Variants in DR1 observed in about 807,000 individuals in gnomAD.
The protein encoded by DR1 is down-regulator of transcription 1.
Under a neutral mutation model 19.9 loss-of-function variants are expected in DR1, and 7 were observed. The ratio of observed to expected loss-of-function variants is 0.35; its 90% CI spans 0.20 to 0.66. The LOEUF (loss-of-function observed/expected upper bound fraction) is 0.66, where lower values mean the gene tolerates loss of function less well. DR1 is among the 30% of genes least tolerant of loss of function. The pLI, the probability that DR1 is intolerant of heterozygous loss-of-function variation, is 0.66. For missense variants in DR1, 98 were observed against 203.7 expected (o/e 0.48, Z 3.16); for synonymous variants, 76 against 72.5 (o/e 1.05, Z -0.24).
chr1:93,358,849 T>C (rs950520878), intron 2 of DR1, among the ~76,000 whole-genome samples: 7 of 152,208 alleles, frequency 4.6e-5, no homozygotes, highest in Non-Finnish European at 2.9e-5. Context: ...TATCTCTTGA[T>C]TATACACTGA....
chr1:93,350,177 T>C (rs1021149894), intron 1 of DR1, among the ~76,000 whole-genome samples: 1 of 152,160 alleles, frequency 6.6e-6, no homozygotes, highest in Non-Finnish European at 1.5e-5. Flanking sequence ...CAATTACTTA[T>C]TGAATACTAC....
At chr1:93,346,886 G>A in intron 1 of DR1, 21 bp downstream of exon 1, 2 of 1,587,392 alleles carry the variant, frequency 1.3e-6, no homozygotes, top group Non-Finnish European at 1.7e-6. Context: ...TGTGAGAGCT[G>A]GTTTGAATGA....
rs1303201473 is a variant in DR1 at position 93,363,562 on chromosome 1, C to A, written c.*2923C>A. 6.6e-6 allele frequency: 1 copy of A among 152,174 alleles called. No homozygotes were observed. 9.4% of individuals were successfully genotyped at this position (152,174 alleles called of 1,614,324 possible). The stretch of plus-strand genomic sequence containing the variant: ...CTTGTGACCCCTTCCTCTCTATGAT[C>A]AAAGCTTGCTTTTGTCATTATATCA... On this transcript the variant is annotated 3_prime_UTR_variant, in exon 3 of 3. Coordinates refer to ENST00000370272, the MANE Select transcript of DR1 (RefSeq NM_001938.3).
At chr1:93,353,116 A>G (rs761819766) in intron 1 of DR1, among the ~76,000 whole-genome samples, 7 of 151,878 alleles carry the variant, frequency 4.6e-5, no homozygotes, top group Admixed American at 2.0e-4. Flanking sequence ...GGTGGTCTTG[A>G]ACTCCTGGAC....
At chr1:93,357,334 T>G (rs1038774861) in intron 2 of DR1, among the ~76,000 whole-genome samples, 1 of 152,098 alleles carries the variant, frequency 6.6e-6, no homozygotes, top group Non-Finnish European at 1.5e-5. Flanking sequence ...CCCTTTCATC[T>G]TTTGCTATAA....
At chr1:93,351,188 C>T (rs889973158) in intron 1 of DR1, among the ~76,000 whole-genome samples, 2 of 152,132 alleles carry the variant, frequency 1.3e-5, no homozygotes, top group Admixed American at 6.5e-5. Flanking sequence ...TCTGTTAGCC[C>T]AATGTGTTTA....
rs888617728 is a variant in DR1, at chr1:93,368,511, G to A, written c.*7872G>A. ...TGTCCTTGTTGTTAAGGCATCTAAG[G>A]ATGCTCCAATTACTGGGGAAAACAT... On this transcript the variant is annotated 3_prime_UTR_variant, in exon 3 of 3. Coordinates refer to ENST00000370272, the MANE Select transcript of DR1 (RefSeq NM_001938.3). The A allele has an allele frequency of 1.2e-4, 19 of 152,162 alleles. No individual in the cohort carries two copies. The highest frequency in any genetic ancestry group is 4.1e-4 in the African/African-American group (17 of 41,438). 9.4% of individuals were successfully genotyped at this position (152,162 alleles called of 1,614,324 possible).
At chr1:93,359,377 T>C (rs1013884841) in intron 2 of DR1, among the ~76,000 whole-genome samples, 1 of 151,976 alleles carries the variant, frequency 6.6e-6, no homozygotes, top group Non-Finnish European at 1.5e-5. Flanking sequence ...TTCTCAAGTG[T>C]GGTGGAAAAA....
At chr1:93,350,765 C>A (rs938136358) in intron 1 of DR1, among the ~76,000 whole-genome samples, 1 of 151,886 alleles carries the variant, frequency 6.6e-6, no homozygotes, top group Non-Finnish European at 1.5e-5. Flanking sequence ...TTGAGATACA[C>A]GGCATAGGGT....
intron 2 of DR1, among the ~76,000 whole-genome samples, chr1:93,360,251 A>G (rs1570713511): frequency 6.6e-6 from 1 of 152,242 alleles, no homozygotes; most frequent in African/African-American, 2.4e-5. Context: ...AAACAGGGCC[A>G]TTTATAAGAG....
In DR1 at chr1:93,366,533, A is replaced by G. The variant is rs1667132581; in HGVS notation, c.*5894A>G. 6.6e-6 allele frequency: 1 copy of G among 152,238 alleles called. No individual in the cohort carries two copies. Among genetic ancestry groups the G allele is most frequent in the African/African-American group, 2.4e-5 (1 of 41,462 alleles). 9.4% of individuals were successfully genotyped at this position (152,238 alleles called of 1,614,324 possible). A position where few individuals can be genotyped will look rare whatever the true frequency, so the allele number is the denominator to read the frequency against. On this transcript the variant is annotated 3_prime_UTR_variant, in exon 3 of 3. Coordinates refer to ENST00000370272, the MANE Select transcript of DR1 (RefSeq NM_001938.3). ...GGAAACTGCGAGTTTAAGAAAAACA[A>G]CATATAATGAAATCAATTTTACCAT...
In DR1 at chr1:93,360,770, G is replaced by C. The variant is rs751569121; in HGVS notation, c.*131G>C. The stretch of plus-strand genomic sequence containing the variant: ...TGTCATTGGTATTCTAGGGATGTCT[G>C]CTATTAAGTTTCATCTATTGTGTGC... On this transcript the variant is annotated 3_prime_UTR_variant, in exon 3 of 3. Coordinates refer to ENST00000370272, the MANE Select transcript of DR1 (RefSeq NM_001938.3). 11 of 1,007,484 alleles carry C rather than the reference G, an allele frequency of 1.1e-5. No homozygotes were observed. The highest frequency in any genetic ancestry group is 1.4e-5 in the Non-Finnish European group (10 of 706,276). The allele number at this position is 1,007,484 out of a possible 1,614,324, so 62.4% of individuals were successfully genotyped here.
intron 1 of DR1, among the ~76,000 whole-genome samples, chr1:93,347,303 A>G (rs1476165397): frequency 6.6e-6 from 1 of 152,230 alleles, no homozygotes; most frequent in Non-Finnish European, 1.5e-5. Flanking sequence ...AATGTAGAGG[A>G]AAAGATTTAT....
At chr1:93,349,822 A>C (rs567241966) in intron 1 of DR1, among the ~76,000 whole-genome samples, 1 of 152,136 alleles carries the variant, frequency 6.6e-6, no homozygotes, top group Non-Finnish European at 1.5e-5. Context: ...TCAATTTTTT[A>C]CTATTTGATT....
rs1667066571 is a variant in DR1, at chr1:93,362,366, C to G, written c.*1727C>G. ...TACGTGTTGGCTTTTCTAATTTGTA[C>G]TGTAACATCCTTATACTTTCTATTT... On this transcript the variant is annotated 3_prime_UTR_variant, in exon 3 of 3. Transcript: ENST00000370272. 6.6e-6 allele frequency: 1 copy of G among 151,676 alleles called. No individual in the cohort carries two copies. The highest frequency in any genetic ancestry group is 6.6e-5 in the Admixed American group (1 of 15,216). 9.4% of individuals were successfully genotyped at this position (151,676 alleles called of 1,614,324 possible).
At chr1:93,347,927 A>G (rs947377749) in intron 1 of DR1, among the ~76,000 whole-genome samples, 1 of 152,168 alleles carries the variant, frequency 6.6e-6, no homozygotes, top group Non-Finnish European at 1.5e-5. Flanking sequence ...AAAAATGATT[A>G]ATTTTAATCA....
In DR1 at chr1:93,357,313, T is replaced by G. The variant is rs141912359; in HGVS notation, c.385-3180T>G. On this transcript the variant is annotated intron_variant, in intron 2 of 2. Transcript: ENST00000370272. The stretch of plus-strand genomic sequence containing the variant: ...TATACGGGTCTTCTGCATTTCCTTG[T>G]ATCCCCCAAACCCTTTCATCTTTTG... 6.4e-3 allele frequency among the ~76,000 whole-genome samples: 974 copies of G among 152,238 alleles called. 3 individuals are homozygous for G. Among genetic ancestry groups the G allele is most frequent in the Middle Eastern group, 0.017 (5 of 294 alleles).
At chr1:93,359,120 G>A (rs1178701578) in intron 2 of DR1, among the ~76,000 whole-genome samples, 1 of 152,136 alleles carries the variant, frequency 6.6e-6, no homozygotes, top group Non-Finnish European at 1.5e-5. Context: ...AGGAAATTTG[G>A]ATTTGATTGA....
chr1:93,357,153 A>G (rs1018701512), intron 2 of DR1, among the ~76,000 whole-genome samples: 1 of 152,232 alleles, frequency 6.6e-6, no homozygotes, highest in Admixed American at 6.5e-5. Context: ...GACAGTCATT[A>G]TTAGGGAGAA....
Sources: allele counts gnomAD v4.1 joint callset (sites outside exome capture counted in the v4.1 genomes callset), GRCh38; gene constraint gnomAD v4.1.1; transcripts MANE v1.5; gene names NCBI Gene and HGNC (gene_info 2026-07-23, HGNC 2026-07-21).